SORCS2: variants seen among roughly 807,000 people sequenced by gnomAD.
SORCS2 encodes the protein VPS10 domain-containing receptor SorCS2.
Under a neutral mutation model 141.6 loss-of-function variants are expected in SORCS2, and 100 were observed. That is an observed-to-expected ratio of 0.71 (90% CI 0.60 to 0.83). SORCS2 has a LOEUF of 0.83. Among genes scored for constraint, SORCS2 ranks in the 40% least tolerant of loss-of-function variants. SORCS2 has a pLI of 0.00. For synonymous variants in SORCS2, 789 were observed against 676.9 expected (o/e 1.17, Z -2.57); for missense variants, 1,646 against 1,560.2 (o/e 1.05, Z -0.93).
Position 7,704,165 on chromosome 4 carries a change from T to G in SORCS2, c.1761-12T>G. 1 of 1,609,044 alleles carries G rather than the reference T, an allele frequency of 6.2e-7. No individual in the cohort carries two copies. Among genetic ancestry groups the G allele is most frequent in the South Asian group, 1.1e-5 (1 of 89,712 alleles). On this transcript the variant is annotated splice_polypyrimidine_tract_variant and intron_variant, in intron 13 of 26. Coordinates refer to ENST00000507866, the MANE Select transcript of SORCS2 (RefSeq NM_020777.3). Reference sequence around the variant, plus strand: ...GCCCACCCCAGAGATGCTGACGATCTTCTCCTGGCAGGTTCAGTGTGGACG... The same window carrying G: ...GCCCACCCCAGAGATGCTGACGATCGTCTCCTGGCAGGTTCAGTGTGGACG...
intron 1 of SORCS2, among the ~76,000 whole-genome samples, chr4:7,367,989 A>G (rs1316563886): frequency 3.3e-5 from 5 of 152,146 alleles, no homozygotes; most frequent in African/African-American, 1.2e-4. Context: ...CATGCACCTA[A>G]GTCCTCAGCG....
At chr4:7,293,967 G>A (rs1324086518) in intron 1 of SORCS2, among the ~76,000 whole-genome samples, 2 of 152,152 alleles carry the variant, frequency 1.3e-5, no homozygotes, top group East Asian at 1.9e-4. Context: ...GCATTTTGAT[G>A]TATCCAAATT....
intron 4 of SORCS2, among the ~76,000 whole-genome samples, chr4:7,650,867 A>G (rs1415546195): frequency 6.6e-6 from 1 of 151,974 alleles, no homozygotes; most frequent in East Asian, 1.9e-4. Flanking sequence ...GTGAGCTCTG[A>G]GCTTTGCTTC....
chr4:7,631,948 G>A (rs1719924337), intron 3 of SORCS2, among the ~76,000 whole-genome samples: 2 of 152,144 alleles, frequency 1.3e-5, no homozygotes, highest in African/African-American at 4.8e-5. Flanking sequence ...CTGCCTTCTG[G>A]GCAGGTGCAA....
intron 3 of SORCS2, among the ~76,000 whole-genome samples, chr4:7,621,195 C>T (rs1401270367): frequency 9.9e-5 from 15 of 152,164 alleles, no homozygotes; most frequent in Admixed American, 7.2e-4. Context: ...CCCTGAGCCC[C>T]GCCCAGGGTG....
chr4:7,623,466 C>G (rs1719331299), intron 3 of SORCS2, among the ~76,000 whole-genome samples: 1 of 152,150 alleles, frequency 6.6e-6, no homozygotes, highest in African/African-American at 2.4e-5. Context: ...TTCTCAGTCT[C>G]TTCTCAGCCA....
intron 3 of SORCS2, among the ~76,000 whole-genome samples, chr4:7,622,213 G>C (rs139490751): frequency 1.3e-5 from 2 of 152,150 alleles, no homozygotes; most frequent in Non-Finnish European, 2.9e-5. Flanking sequence ...AAGACAGGGA[G>C]CAAGAAGGAG....
chr4:7,226,579 C>T (rs528208039), intron 1 of SORCS2, among the ~76,000 whole-genome samples: 159 of 152,260 alleles, frequency 1.0e-3, no homozygotes, highest in Non-Finnish European at 1.8e-3. Context: ...CACTAACACA[C>T]GCCATGCAAG....
chr4:7,728,896 G>A (rs144096808), intron 22 of SORCS2, among the ~76,000 whole-genome samples: 3 of 152,310 alleles, frequency 2.0e-5, no homozygotes, highest in East Asian at 1.9e-4. Context: ...ACATCAGGGC[G>A]GGCTGTAGCA....
At chr4:7,525,926 TCACA>T (rs2109524812) in intron 2 of SORCS2, among the ~76,000 whole-genome samples, 1 of 52,932 alleles carries the variant, frequency 1.9e-5, no homozygotes, top group Non-Finnish European at 3.6e-5. Context: ...TGTCCCCTCC[TCACA>T]CCTGTCCCCT....
At chr4:7,506,503 C>T (rs57659586) in intron 2 of SORCS2, among the ~76,000 whole-genome samples, 1 of 134,520 alleles carries the variant, frequency 7.4e-6, no homozygotes, top group Non-Finnish European at 1.6e-5. Flanking sequence ...CTCATTCATT[C>T]ATTTGTTCAT....
chr4:7,263,500 G>A (rs780692672), intron 1 of SORCS2, among the ~76,000 whole-genome samples: 97 of 152,230 alleles, frequency 6.4e-4, no homozygotes, highest in Non-Finnish European at 2.6e-4. Context: ...GGAGCCGGGC[G>A]TGTCCGACCT....
At chr4:7,330,641 A>G (rs1719596360) in intron 1 of SORCS2, among the ~76,000 whole-genome samples, 1 of 151,982 alleles carries the variant, frequency 6.6e-6, no homozygotes. Context: ...TAGAATTTAG[A>G]AGTGAAAGTC....
intron 1 of SORCS2, among the ~76,000 whole-genome samples, chr4:7,386,698 C>CACAGAT (rs1723364160): frequency 6.7e-6 from 1 of 149,606 alleles, no homozygotes; most frequent in Non-Finnish European, 1.5e-5. Flanking sequence ...CACATGCACA[C>CACAGAT]ACAGATACAG....
At chr4:7,315,775 G>A (rs921148750) in intron 1 of SORCS2, among the ~76,000 whole-genome samples, 2 of 152,162 alleles carry the variant, frequency 1.3e-5, no homozygotes, top group Admixed American at 6.5e-5. Context: ...GGTTACTTAT[G>A]TCCATAGCTT....
chr4:7,232,238 G>T (rs1397324723), intron 1 of SORCS2, among the ~76,000 whole-genome samples: 1 of 152,138 alleles, frequency 6.6e-6, no homozygotes, highest in African/African-American at 2.4e-5. Context: ...TTGGCAGGAT[G>T]GATGAGGGGA....
chr4:7,679,129 GA>G (rs34710483), intron 9 of SORCS2, among the ~76,000 whole-genome samples: 98,003 of 151,970 alleles, frequency 0.64, 31,740 homozygotes, highest in Non-Finnish European at 0.66. Flanking sequence ...GCACATCCAG[GA>G]AAAAAATGTT....
intron 3 of SORCS2, among the ~76,000 whole-genome samples, chr4:7,634,158 G>T (rs1720076452): frequency 1.3e-5 from 2 of 151,650 alleles, no homozygotes; most frequent in Admixed American, 1.3e-4. Flanking sequence ...TGGATCACCT[G>T]AGGTCAGGAG....
intron 2 of SORCS2, among the ~76,000 whole-genome samples, chr4:7,461,226 C>G (rs895662380): frequency 2.6e-5 from 4 of 152,238 alleles, no homozygotes; most frequent in Non-Finnish European, 5.9e-5. Context: ...CGCTCTTTCC[C>G]TCTGCCGTCA....
Sources: gnomAD v4.1 joint callset for allele counts (sites outside exome capture counted in the v4.1 genomes callset) on GRCh38, gnomAD v4.1.1 for gene constraint, MANE v1.5 for transcripts, NCBI Gene and HGNC (gene_info 2026-07-23, HGNC 2026-07-21) for gene names.